The following CTNNA2 variants were observed in gnomAD, a reference collection of about 807,000 sequenced individuals.
The protein encoded by CTNNA2 is catenin alpha-2.
In CTNNA2, 42 loss-of-function variants were observed where a neutral mutation model predicts 101.0. That is an observed-to-expected ratio of 0.42 (90% CI 0.32 to 0.54). CTNNA2 has a LOEUF of 0.54. Among genes scored for constraint, CTNNA2 ranks in the 20% least tolerant of loss-of-function variants. CTNNA2 has a pLI of 0.14. For synonymous variants in CTNNA2, 450 were observed against 456.4 expected (o/e 0.99, Z 0.18); for missense variants, 871 against 1,223.1 (o/e 0.71, Z 4.29).
intron 7 of CTNNA2, among the ~76,000 whole-genome samples, chr2:80,176,534 C>T (rs1705406303): frequency 6.6e-6 from 1 of 152,224 alleles, no homozygotes; most frequent in African/African-American, 2.4e-5. Flanking sequence ...TTGCCTTCAG[C>T]AATCTCCTCA....
At chr2:79,680,824 G>A (rs1441826139) in intron 2 of CTNNA2, among the ~76,000 whole-genome samples, 1 of 152,150 alleles carries the variant, frequency 6.6e-6, no homozygotes, top group African/African-American at 2.4e-5. Context: ...CTGAAAAGAG[G>A]TAAACTGGCT....
At chr2:79,543,778 C>A (rs1673560861) in intron 1 of CTNNA2, among the ~76,000 whole-genome samples, 1 of 152,054 alleles carries the variant, frequency 6.6e-6, no homozygotes, top group East Asian at 1.9e-4. Context: ...CCATTTTATG[C>A]CTTTATCATG....
intron 4 of CTNNA2, among the ~76,000 whole-genome samples, chr2:79,482,163 A>G (rs554733568): frequency 6.6e-5 from 10 of 152,340 alleles, no homozygotes; most frequent in African/African-American, 2.2e-4. Flanking sequence ...TTGACGGTTC[A>G]TAACAATAGA....
At chr2:79,604,546 G>A (rs1198798594) in intron 1 of CTNNA2, among the ~76,000 whole-genome samples, 1 of 152,176 alleles carries the variant, frequency 6.6e-6, no homozygotes, top group Non-Finnish European at 1.5e-5. Context: ...AGAGGAGAGG[G>A]CTGTACAGAG....
intron 7 of CTNNA2, among the ~76,000 whole-genome samples, chr2:80,248,359 G>C (rs417695): frequency 0.52 from 78,840 of 151,964 alleles, 21,873 homozygotes; most frequent in Non-Finnish European, 0.64. Flanking sequence ...TCTCCTGCCA[G>C]AGGAAATTAA....
At chr2:80,479,391 G>C (rs1477677044) in intron 9 of CTNNA2, among the ~76,000 whole-genome samples, 1 of 152,074 alleles carries the variant, frequency 6.6e-6, no homozygotes, top group Non-Finnish European at 1.5e-5. Context: ...ATATCCTATA[G>C]TGCGCAGGAC....
At chr2:79,411,833 T>G (rs998492848) in intron 4 of CTNNA2, among the ~76,000 whole-genome samples, 3 of 152,046 alleles carry the variant, frequency 2.0e-5, no homozygotes, top group African/African-American at 7.2e-5. Context: ...AGAAACTGCA[T>G]CAACTAACGA....
Position 79,616,909 on chromosome 2 carries a change from C to CTTTTTTTTTTTTTTTTTTT in CTNNA2, c.-5-34634_-5-34633insTTTTTTTTTTTTTTTTTTT, listed in dbSNP as rs1425285033. The stretch of plus-strand genomic sequence containing the variant: ...ATAATATTTAATATTTTCTTTCTTT[C>CTTTTTTTTTTTTTTTTTTT]TTTTTTTTTCGAGACACAGTCTTGC... On this transcript the variant is annotated intron_variant, in intron 1 of 18. Transcript: ENST00000402739. Among the ~76,000 whole-genome samples the CTTTTTTTTTTTTTTTTTTT allele has an allele frequency of 4.8e-5, 7 of 146,422 alleles. No individual in the cohort carries two copies. In the South Asian group the frequency reaches 1.3e-3, roughly 27 times the overall value.
At chr2:79,889,630 G>T (rs1288845780) in intron 6 of CTNNA2, among the ~76,000 whole-genome samples, 1 of 152,176 alleles carries the variant, frequency 6.6e-6, no homozygotes, top group Non-Finnish European at 1.5e-5. Context: ...GTTGGTGGTA[G>T]TTTTGTGGGA....
intron 8 of CTNNA2, among the ~76,000 whole-genome samples, chr2:80,396,312 G>A (rs1467860678): frequency 6.6e-6 from 1 of 152,156 alleles, no homozygotes; most frequent in East Asian, 1.9e-4. Context: ...CAGTGGTAGA[G>A]CAGAATCCTC....
At chr2:79,687,521 A>G in intron 2 of CTNNA2, 1 of 673,554 alleles carries the variant, frequency 1.5e-6, no homozygotes, top group African/African-American at 1.8e-5. Flanking sequence ...CACACACTGG[A>G]ATCCACCAGA....
At position 79,546,533 on chromosome 2, in the gene CTNNA2, A is replaced by G. The variant is rs554329301; in HGVS notation, c.-6+33326A>G. ...TTTATCTGGCAAATTGCTTCTGTTTATAATCTGTAGCTGCTCTTTTAATTC... is the reference window on the plus strand; with the variant it reads ...TTTATCTGGCAAATTGCTTCTGTTTGTAATCTGTAGCTGCTCTTTTAATTC... On this transcript the variant is annotated intron_variant, in intron 1 of 18. Transcript: ENST00000402739. Among the ~76,000 whole-genome samples, 150 of 152,304 alleles carry G rather than the reference A, an allele frequency of 9.8e-4. 1 individual carries two copies. Among genetic ancestry groups the G allele is most frequent in the Non-Finnish European group, 1.6e-3 (110 of 68,014 alleles).
chr2:79,999,772 T>C (rs550796251), intron 7 of CTNNA2, among the ~76,000 whole-genome samples: 24 of 152,332 alleles, frequency 1.6e-4, no homozygotes, highest in African/African-American at 5.3e-4. Flanking sequence ...TGCTCTGTTA[T>C]AGCTTATGTT....
At chr2:79,890,039 T>C (rs762526713) in intron 6 of CTNNA2, among the ~76,000 whole-genome samples, 2 of 152,220 alleles carry the variant, frequency 1.3e-5, no homozygotes, top group African/African-American at 2.4e-5. Context: ...ATACTAAGAA[T>C]GTAAGTTTCT....
chr2:79,531,195 CATATATATATATATATATATAT>C (rs34087238), intron 1 of CTNNA2, among the ~76,000 whole-genome samples: 22,360 of 110,392 alleles, frequency 0.2, 2,063 homozygotes, highest in Middle Eastern at 0.36. Flanking sequence ...TAGATACGCT[CATATATATATATATATATATAT>C]ATATATATAT....
intron 3 of CTNNA2, among the ~76,000 whole-genome samples, chr2:79,794,830 C>T (rs1172672035): frequency 6.6e-6 from 1 of 152,156 alleles, no homozygotes; most frequent in Non-Finnish European, 1.5e-5. Context: ...TGCATATTGT[C>T]TTCAGCATCT....
At chr2:79,695,385 A>G (rs1006862360) in intron 2 of CTNNA2, among the ~76,000 whole-genome samples, 1 of 152,020 alleles carries the variant, frequency 6.6e-6, no homozygotes, top group Non-Finnish European at 1.5e-5. Flanking sequence ...ACAGGCTGGT[A>G]AGCCAGACAC....
chr2:79,347,417 T>C (rs1360555727), intron 3 of CTNNA2, among the ~76,000 whole-genome samples: 1 of 152,230 alleles, frequency 6.6e-6, no homozygotes, highest in Non-Finnish European at 1.5e-5. Context: ...AATAGTACTT[T>C]ACTTAAAGGG....
At chr2:80,480,892 G>A (rs79361027) in intron 9 of CTNNA2, among the ~76,000 whole-genome samples, 1,804 of 152,100 alleles carry the variant, frequency 0.012, 34 homozygotes, top group African/African-American at 0.04. Context: ...AGATAGTTGC[G>A]ATAAATAAAT....
Sources: allele counts gnomAD v4.1 joint callset (sites outside exome capture counted in the v4.1 genomes callset), GRCh38; gene constraint gnomAD v4.1.1; transcripts MANE v1.5; gene names NCBI Gene and HGNC (gene_info 2026-07-23, HGNC 2026-07-21).